Variants in PAX7 observed in about 807,000 individuals in gnomAD.
The protein encoded by PAX7 is paired box protein Pax-7.
A neutral mutation model predicts 50.7 loss-of-function variants in PAX7; 18 were observed. The ratio of observed to expected loss-of-function variants is 0.36; its 90% CI spans 0.25 to 0.53. The LOEUF is 0.53. Among genes scored for constraint, PAX7 ranks in the 20% least tolerant of loss-of-function variants. PAX7 has a pLI of 0.93. For missense variants in PAX7, 644 were observed against 702.9 expected (o/e 0.92, Z 0.95); for synonymous variants, 310 against 290.4 (o/e 1.07, Z -0.69).
rs2743204 is a variant in PAX7, at chr1:18,699,194, G to A, written c.787-1459G>A. Among the ~76,000 whole-genome samples, 983 of 152,320 alleles carry A rather than the reference G, an allele frequency of 6.5e-3. 8 individuals are homozygous for A. Among genetic ancestry groups the A allele is most frequent in the African/African-American group, 0.021 (893 of 41,574 alleles). On this transcript the variant is annotated intron_variant, in intron 5 of 8. Coordinates refer to ENST00000420770, the MANE Select transcript of PAX7 (RefSeq NM_001135254.2). ...GCAAGGAATGCATGGCCTCTGTCCC[G>A]TGGAGCCTGAGTCTGAGGGGGACAT... is the stretch of plus-strand genomic sequence containing the variant.
At chr1:18,683,034 G>T (rs1235874295) in intron 4 of PAX7, among the ~76,000 whole-genome samples, 1 of 152,162 alleles carries the variant, frequency 6.6e-6, no homozygotes, top group African/African-American at 2.4e-5. Flanking sequence ...GTGGATGGGG[G>T]TCAGGAAAGT....
chr1:18,748,005 T>A lies in PAX7; in HGVS notation c.*3076T>A, dbSNP rs1256376927. On this transcript the variant is annotated 3_prime_UTR_variant, in exon 9 of 9. Transcript: ENST00000420770. ...GCTATATAAAGAAAAAAAGAAGTGA[T>A]GTGTAAGAACCAAGCTATGCTTTTA... The A allele has an allele frequency of 4.9e-6, 1 of 203,962 alleles. No homozygotes were observed. Among genetic ancestry groups the A allele is most frequent in the African/African-American group, 2.3e-5 (1 of 43,706 alleles). 12.6% of individuals were successfully genotyped at this position (203,962 alleles called of 1,614,324 possible).
At chr1:18,676,660 C>T (rs1375208887) in intron 4 of PAX7, among the ~76,000 whole-genome samples, 1 of 152,152 alleles carries the variant, frequency 6.6e-6, no homozygotes, top group Non-Finnish European at 1.5e-5. Context: ...TTCCCCTCCC[C>T]CACAGGAAGC....
chr1:18,692,012 G>A (rs904707489), intron 5 of PAX7, 59 bp downstream of exon 5: 2 of 1,520,342 alleles, frequency 1.3e-6, no homozygotes, highest in African/African-American at 1.4e-5. Context: ...CAGAAGTTTG[G>A]GATGGCCAAG....
At chr1:18,704,151 C>A (rs2089256190) in intron 7 of PAX7, among the ~76,000 whole-genome samples, 1 of 152,182 alleles carries the variant, frequency 6.6e-6, no homozygotes, top group Non-Finnish European at 1.5e-5. Context: ...ATATGGGAAA[C>A]CCATTACCTA....
rs1259650151 is a variant in PAX7 at position 18,694,472 on chromosome 1, A to ATAAG, written c.786+2522_786+2523insGTAA. Among the ~76,000 whole-genome samples, 634 of 75,428 alleles carry ATAAG rather than the reference A, an allele frequency of 8.4e-3. 5 individuals carry two copies. The highest frequency in any genetic ancestry group is 0.028 in the African/African-American group (589 of 20,702). The allele number at this position is 75,428 out of a possible 152,430, so 49.5% of individuals were successfully genotyped here. A position where few individuals can be genotyped will look rare whatever the true frequency, so the allele number is the denominator to read the frequency against. ...AAAACTCTGTCTCGAAAATAAATAA[A>ATAAG]TAAATAAATAAATAAATAAATAAAT... On this transcript the variant is annotated intron_variant, in intron 5 of 8. Transcript: ENST00000420770.
chr1:18,728,902 C>T (rs2089612273), intron 7 of PAX7, among the ~76,000 whole-genome samples: 1 of 151,954 alleles, frequency 6.6e-6, no homozygotes, highest in South Asian at 2.1e-4. Flanking sequence ...CCCCAGACCC[C>T]CAAGTGATTC....
chr1:18,707,411 C>CTTTTTTTTTTTTTTT (rs71575894), intron 7 of PAX7, among the ~76,000 whole-genome samples: 4 of 91,214 alleles, frequency 4.4e-5, no homozygotes, highest in Non-Finnish European at 4.2e-5. Context: ...TTCTTTTTTT[C>CTTTTTTTTTTTTTTT]TTTCTTTTTT....
At chr1:18,744,262 G>A (rs1009601546) in intron 8 of PAX7, among the ~76,000 whole-genome samples, 1 of 152,222 alleles carries the variant, frequency 6.6e-6, no homozygotes, top group East Asian at 1.9e-4. Flanking sequence ...GGTATATGTA[G>A]TGGGCTTGTT....
rs76862980 is a variant in PAX7, at chr1:18,725,540, G to A, written c.1156-10092G>A. ...TTTCATTAGGGCCGCAGAAGAGGGG[G>A]AGCAGGGAAGGGAGGGGGAGGAGAT... On this transcript the variant is annotated intron_variant, in intron 7 of 8. Transcript: ENST00000420770. Among the ~76,000 whole-genome samples the A allele has an allele frequency of 4.3e-3, 661 of 152,294 alleles. 14 individuals carry two copies. The highest frequency in any genetic ancestry group is 0.025 in the South Asian group (119 of 4,820).
At chr1:18,698,167 G>T (rs957759144) in intron 5 of PAX7, among the ~76,000 whole-genome samples, 1 of 151,642 alleles carries the variant, frequency 6.6e-6, no homozygotes, top group Non-Finnish European at 1.5e-5. Flanking sequence ...CAAGATGTTC[G>T]CCACCTTCAC....
At chr1:18,643,103 C>A (rs2088282315) in intron 4 of PAX7, among the ~76,000 whole-genome samples, 1 of 152,164 alleles carries the variant, frequency 6.6e-6, no homozygotes, top group African/African-American at 2.4e-5. Context: ...AAGTTGTGTG[C>A]GCCCCAAGTC....
intron 7 of PAX7, among the ~76,000 whole-genome samples, chr1:18,722,106 T>G (rs2089502302): frequency 6.6e-6 from 1 of 152,152 alleles, no homozygotes; most frequent in African/African-American, 2.4e-5. Flanking sequence ...CTGAAATGCT[T>G]AGAATACTAC....
intron 4 of PAX7, among the ~76,000 whole-genome samples, chr1:18,690,238 C>T (rs2089047346): frequency 6.6e-6 from 1 of 151,936 alleles, no homozygotes; most frequent in African/African-American, 2.4e-5. Context: ...TCCAGGAATA[C>T]CAGAGATGGA....
chr1:18,640,882 A>T (rs1231032209), intron 4 of PAX7, among the ~76,000 whole-genome samples: 3 of 142,386 alleles, frequency 2.1e-5, no homozygotes, highest in Admixed American at 7.1e-5. Flanking sequence ...GGGCGTGCGG[A>T]GCTGGGAACG....
At chr1:18,721,267 C>G (rs908024351) in intron 7 of PAX7, among the ~76,000 whole-genome samples, 20 of 152,178 alleles carry the variant, frequency 1.3e-4, no homozygotes, top group Admixed American at 1.2e-3. Flanking sequence ...GCCCTTTTGC[C>G]AAGTGTTTTC....
intron 4 of PAX7, among the ~76,000 whole-genome samples, chr1:18,658,759 G>A (rs939968312): frequency 6.6e-6 from 1 of 152,224 alleles, no homozygotes; most frequent in African/African-American, 2.4e-5. Context: ...TGACCCCAAG[G>A]ACACGTGGCT....
chr1:18,693,006 C>T (rs891810903), intron 5 of PAX7, among the ~76,000 whole-genome samples: 10 of 152,120 alleles, frequency 6.6e-5, no homozygotes, highest in African/African-American at 2.4e-4. Flanking sequence ...GCAGGAGCCT[C>T]TCTGGGGATC....
At chr1:18,649,056 G>A (rs1014950662) in intron 4 of PAX7, among the ~76,000 whole-genome samples, 6 of 152,210 alleles carry the variant, frequency 3.9e-5, no homozygotes, top group South Asian at 2.1e-4. Context: ...GAATTCCTCT[G>A]CAGGCTGAGA....
Sources: gnomAD v4.1 joint callset for allele counts (sites outside exome capture counted in the v4.1 genomes callset) on GRCh38, gnomAD v4.1.1 for gene constraint, MANE v1.5 for transcripts, NCBI Gene and HGNC (gene_info 2026-07-23, HGNC 2026-07-21) for gene names.